Variants in BACH2 observed in about 807,000 individuals in gnomAD.
BACH2 encodes the protein BACH transcriptional regulator 2, also known as transcription regulator protein BACH2.
In BACH2, 5 loss-of-function variants were observed where a neutral mutation model predicts 61.8. The observed-to-expected ratio is 0.08, with a 90% CI of 0.04 to 0.17. The LOEUF (loss-of-function observed/expected upper bound fraction) is 0.17, where lower values mean the gene tolerates loss of function less well. BACH2 is among the 10% of genes least tolerant of loss of function. BACH2 has a pLI of 1.00. For synonymous variants in BACH2, 446 were observed against 440.1 expected (o/e 1.01, Z -0.17); for missense variants, 824 against 1,091.1 (o/e 0.76, Z 3.45).
At chr6:90,251,159 T>C (rs1770795451) in intron 3 of BACH2, among the ~76,000 whole-genome samples, 1 of 151,994 alleles carries the variant, frequency 6.6e-6, no homozygotes, top group East Asian at 1.9e-4. Flanking sequence ...TAATCAACTT[T>C]TTTTTTTTAA....
At chr6:90,273,819 G>C (rs1171287249) in intron 1 of BACH2, among the ~76,000 whole-genome samples, 3 of 152,180 alleles carry the variant, frequency 2.0e-5, no homozygotes, top group Admixed American at 6.5e-5. Flanking sequence ...GATGGAGCTG[G>C]AGGTCTTGCT....
chr6:89,950,010 T>G lies in BACH2; in HGVS notation c.1836+260A>C. ...GTGTACTTCATGCATTAGACTTCAG[T>G]ATATTTTTACTCAGCAGCTTGCCTC... On this transcript the variant is annotated intron_variant, in intron 7 of 8. Coordinates refer to ENST00000257749, the MANE Select transcript of BACH2 (RefSeq NM_021813.4). The surrounding 1 kb of genome is among the most constrained non-coding windows in gnomAD (Gnocchi z 5.3). The G allele has an allele frequency of 1.9e-6, 1 of 526,016 alleles. No homozygotes were observed. The highest frequency in any genetic ancestry group is 3.4e-6 in the Non-Finnish European group (1 of 290,066). The allele number at this position is 526,016 out of a possible 1,614,324, so 32.6% of individuals were successfully genotyped here.
At chr6:90,125,335 C>A (rs2127821285) in intron 4 of BACH2, among the ~76,000 whole-genome samples, 1 of 152,310 alleles carries the variant, frequency 6.6e-6, no homozygotes, top group South Asian at 2.1e-4. Context: ...ATGATGCCAC[C>A]TGTCATTTAA....
chr6:90,073,074 C>T (rs1261841604), intron 5 of BACH2, among the ~76,000 whole-genome samples: 2 of 152,212 alleles, frequency 1.3e-5, no homozygotes, highest in Non-Finnish European at 2.9e-5. Context: ...CTACCATCCT[C>T]GCTCACAGTC....
At chr6:90,245,213 G>A (rs1011452129) in intron 3 of BACH2, among the ~76,000 whole-genome samples, 1 of 151,572 alleles carries the variant, frequency 6.6e-6, no homozygotes, top group African/African-American at 2.4e-5. Context: ...AAAAAAAAAG[G>A]CTTTAGTACT....
At chr6:90,210,312 AACACACACACACACACACACAC>A (rs3072671) in intron 3 of BACH2, among the ~76,000 whole-genome samples, 1 of 147,132 alleles carries the variant, frequency 6.8e-6, no homozygotes, top group Non-Finnish European at 1.5e-5. Context: ...ACCCCAAAAC[AACACACACACACACACACACAC>A]ACACACACAC....
intron 6 of BACH2, among the ~76,000 whole-genome samples, chr6:89,965,612 GC>G (rs1775007945): frequency 6.6e-6 from 1 of 152,126 alleles, no homozygotes; most frequent in Admixed American, 6.5e-5. Flanking sequence ...CCCTAGTACT[GC>G]CCACTTGGGC....
intron 5 of BACH2, among the ~76,000 whole-genome samples, chr6:90,040,534 A>G (rs1234913576): frequency 1.3e-5 from 2 of 149,900 alleles, no homozygotes; most frequent in Non-Finnish European, 1.5e-5. Context: ...TTTTTTTTTT[A>G]CATGAACTTC....
chr6:89,950,364 C>T lies in BACH2; in HGVS notation c.1742G>A (p.Cys581Tyr), dbSNP rs749452994. Residue 581 changes from cysteine (C) to tyrosine (Y), a missense_variant, in exon 7 of 9, where the codon TGT (cysteine) becomes TAT (tyrosine). Cys to Tyr is a radical substitution (Grantham distance 194). This residue lies in a region of BACH2 where 160 missense variants were observed against 283.5 expected (regional missense o/e 0.56). Coordinates refer to ENST00000257749, the MANE Select transcript of BACH2 (RefSeq NM_021813.4). The surrounding 1 kb of genome is among the most constrained non-coding windows in gnomAD (Gnocchi z 5.3). ...MYNQVRPQIK[C>Y]EQSYGTNSSD... is the part of the protein sequence containing the mutation. ...GGAGTTGGTTCCATAAGACTGCTCA[C>T]ATTTAATTTGGGGCCGCACTTGGTT... 5.6e-6 allele frequency: 9 copies of T among 1,614,082 alleles called. No homozygotes were observed. In the South Asian group the frequency reaches 6.6e-5, roughly 12 times the overall value.
chr6:90,231,310 A>G (rs1374379443), intron 3 of BACH2, among the ~76,000 whole-genome samples: 1 of 152,214 alleles, frequency 6.6e-6, no homozygotes, highest in African/African-American at 2.4e-5. Context: ...TCAGTTGCTA[A>G]GTCTCAGACT....
chr6:89,949,937 T>C (rs1297340312), intron 7 of BACH2, among the ~76,000 whole-genome samples: 2 of 150,540 alleles, frequency 1.3e-5, no homozygotes, highest in Non-Finnish European at 3.0e-5. Context: ...AAAGCAGGTG[T>C]AGGAGGGGGA....
intron 5 of BACH2, among the ~76,000 whole-genome samples, chr6:90,047,395 A>G (rs1779837650): frequency 6.6e-6 from 1 of 152,124 alleles, no homozygotes; most frequent in Admixed American, 6.6e-5. Flanking sequence ...TGGCACGTCC[A>G]TGGTCCTGGA....
At chr6:90,003,210 A>G (rs1446418416) in intron 6 of BACH2, among the ~76,000 whole-genome samples, 1 of 152,096 alleles carries the variant, frequency 6.6e-6, no homozygotes, top group Non-Finnish European at 1.5e-5. Context: ...AGTCTGGACC[A>G]TCACCTCTCT....
intron 4 of BACH2, among the ~76,000 whole-genome samples, chr6:90,149,754 G>A (rs1392056142): frequency 6.6e-6 from 1 of 152,098 alleles, no homozygotes; most frequent in African/African-American, 2.4e-5. Context: ...AGAAATGTGG[G>A]GTCCTTTCCT....
chr6:90,193,943 C>A (rs996850451), intron 4 of BACH2, among the ~76,000 whole-genome samples: 5 of 152,120 alleles, frequency 3.3e-5, no homozygotes, highest in African/African-American at 1.2e-4. Flanking sequence ...TAAATTCTCT[C>A]AAATCCTCCA....
intron 3 of BACH2, among the ~76,000 whole-genome samples, chr6:90,237,796 G>A (rs1475545196): frequency 6.6e-6 from 1 of 152,158 alleles, no homozygotes; most frequent in African/African-American, 2.4e-5. Context: ...AGGCCACAAG[G>A]GGATGTTGAT....
At chr6:90,107,864 G>A (rs1161818824) in intron 4 of BACH2, among the ~76,000 whole-genome samples, 4 of 152,092 alleles carry the variant, frequency 2.6e-5, no homozygotes, top group African/African-American at 9.7e-5. Flanking sequence ...ACTGTACAAG[G>A]CTTACAAAGC....
intron 4 of BACH2, among the ~76,000 whole-genome samples, chr6:90,203,400 A>T (rs1473321439): frequency 6.7e-6 from 1 of 149,900 alleles, no homozygotes; most frequent in Non-Finnish European, 1.5e-5. Flanking sequence ...CCAAAAAAAA[A>T]AAAAAAAAAA....
intron 1 of BACH2, among the ~76,000 whole-genome samples, chr6:90,284,279 C>T (rs748704038): frequency 1.3e-5 from 2 of 152,166 alleles, no homozygotes; most frequent in East Asian, 1.9e-4. Flanking sequence ...AAAAGATGAA[C>T]GTACACCTGA....
Sources: allele counts gnomAD v4.1 joint callset (sites outside exome capture counted in the v4.1 genomes callset), GRCh38; gene constraint gnomAD v4.1.1; regional missense constraint gnomAD v4.1.1; non-coding constraint Gnocchi (gnomAD v3.1); transcripts MANE v1.5; gene names NCBI Gene and HGNC (gene_info 2026-07-23, HGNC 2026-07-21).